Variants in FKBP4 observed in about 807,000 individuals in gnomAD.
FKBP4 encodes peptidyl-prolyl cis-trans isomerase FKBP4.
In FKBP4, 28 loss-of-function variants were observed where a neutral mutation model predicts 54.1. The observed-to-expected ratio is 0.52, with a 90% CI of 0.38 to 0.71. FKBP4 has a LOEUF of 0.71. Among genes scored for constraint, FKBP4 ranks in the 30% least tolerant of loss-of-function variants. FKBP4 has a pLI of 0.00. For missense variants in FKBP4, 493 were observed against 574.4 expected (o/e 0.86, Z 1.45); for synonymous variants, 223 against 216.1 (o/e 1.03, Z -0.28).
chr12:2,802,967 A>G lies in FKBP4; in HGVS notation c.1273-184A>G, dbSNP rs542233416. Among the ~76,000 whole-genome samples the G allele has an allele frequency of 1.3e-3, 194 of 152,336 alleles. 1 individual carries two copies. The highest frequency in any genetic ancestry group is 4.2e-3 in the African/African-American group (175 of 41,574). On this transcript the variant is annotated intron_variant, in intron 9 of 9. Transcript: ENST00000001008. ...GATCTCAAACTTCTGGGCTCAAGCA[A>G]TCTGACCACCTCAGCCTCCCAAAGT...
chr12:2,800,809 TAAAG>T (rs2097904316), intron 8 of FKBP4, among the ~76,000 whole-genome samples: 1 of 152,372 alleles, frequency 6.6e-6, no homozygotes, highest in African/African-American at 2.4e-5. Context: ...AAGAATCACA[TAAAG>T]AGTTTTCTTC....
At position 2,795,950 on chromosome 12, in the gene FKBP4, C is replaced by G. The variant is rs116472971; in HGVS notation, c.105+706C>G. The G allele has an allele frequency of 5.9e-6, 6 of 1,025,558 alleles. No individual in the cohort carries two copies. The South Asian group carries it at 1.0e-4, about 17-fold the overall frequency. 63.5% of individuals were successfully genotyped at this position (1,025,558 alleles called of 1,614,324 possible). On this transcript the variant is annotated intron_variant, in intron 1 of 9. Coordinates refer to ENST00000001008, the MANE Select transcript of FKBP4 (RefSeq NM_002014.4). The surrounding 1 kb of genome is among the most constrained non-coding windows in gnomAD (Gnocchi z 4.3). ...GTCCCCTCCCCCCTCCGCCGCCTCC[C>G]GGAGCCAGGGCTGCGGGGTGTGGGG...
At chr12:2,796,493 A>T (rs1555074506) in intron 1 of FKBP4, 1 of 1,205,348 alleles carries the variant, frequency 8.3e-7, no homozygotes, top group Non-Finnish European at 1.1e-6. Context: ...AGGTGGCGCT[A>T]AAGAAGCCTT....
rs1297069634 is a variant in FKBP4 at position 2,795,183 on chromosome 12, C to T, written c.44C>T (p.Ser15Leu). The change falls in exon 1 of 10, where the codon TCG becomes TTG. Residue 15 changes from serine (S) to leucine (L), a missense_variant. By Grantham distance (145) the Ser-to-Leu change is moderately radical. Coordinates refer to ENST00000001008, the MANE Select transcript of FKBP4 (RefSeq NM_002014.4). The surrounding 1 kb of genome is among the most constrained non-coding windows in gnomAD (Gnocchi z 4.3). Reference sequence around the variant, plus strand: ...AAGGCGACCGAGAGCGGGGCGCAGTCGGCGCCGCTGCCCATGGAGGGAGTG... The same window carrying T: ...AAGGCGACCGAGAGCGGGGCGCAGTTGGCGCCGCTGCCCATGGAGGGAGTG... ...EMKATESGAQ[S>L]APLPMEGVDI... is the part of the protein sequence containing the mutation. The T allele has an allele frequency of 1.5e-6, 2 of 1,320,938 alleles. No individual in the cohort carries two copies. The highest frequency in any genetic ancestry group is 5.6e-5 in the South Asian group (2 of 35,938). The allele number at this position is 1,320,938 out of a possible 1,614,324, so 81.8% of individuals were successfully genotyped here.
rs2097906771 is a variant in FKBP4 at position 2,805,073 on chromosome 12, A to G, written c.*1815A>G. ...TCACTAACTCAAGCATTTATGGAGT[A>G]AGCCTAGCACTGTACTGACAGCATC... On this transcript the variant is annotated 3_prime_UTR_variant, in exon 10 of 10. Transcript: ENST00000001008. 1 of 391,696 alleles carries G rather than the reference A, an allele frequency of 2.6e-6. No individual in the cohort carries two copies. Among genetic ancestry groups the G allele is most frequent in the South Asian group, 1.8e-5 (1 of 54,306 alleles). 24.3% of individuals were successfully genotyped at this position (391,696 alleles called of 1,614,324 possible).
Position 2,798,158 on chromosome 12 carries a change from C to T in FKBP4, c.393+287C>T, listed in dbSNP as rs1026180571. Among the ~76,000 whole-genome samples the T allele has an allele frequency of 2.0e-5, 3 of 152,156 alleles. No individual in the cohort carries two copies. Among genetic ancestry groups the T allele is most frequent in the Non-Finnish European group, 4.4e-5 (3 of 68,036 alleles). On this transcript the variant is annotated intron_variant, in intron 3 of 9. Transcript: ENST00000001008. This position sits in a 1 kb window ranked among gnomAD's most constrained non-coding sequence, Gnocchi z 4.3. ...TACCCAGAAGAATACTGAAAGGAGT[C>T]GGGATGTCAGAAACTATGTCCCGTT...
intron 8 of FKBP4, 26 bp from the exon 9 acceptor site, chr12:2,801,091 T>G (rs773498603): frequency 6.2e-6 from 10 of 1,611,720 alleles, no homozygotes; most frequent in Non-Finnish European, 8.5e-6. Context: ...GCTCCCACAA[T>G]GTGGCTTCCT....
chr12:2,801,498 TC>T (rs1304684427), intron 9 of FKBP4, 142 bp downstream of exon 9: 4 of 1,176,790 alleles, frequency 3.4e-6, no homozygotes, highest in African/African-American at 1.5e-5. Flanking sequence ...GAGCACGTGT[TC>T]CTGCTGTTGG....
In FKBP4 at chr12:2,803,184, A is replaced by C. The variant is rs1042228; in HGVS notation, c.1306A>C (p.Thr436Pro). Reference sequence around the variant, plus strand: ...AGAGGCTTCCTCAGGAGACCATCCCACTGACACAGAGATGAAGGAGGAGCA... The same window carrying C: ...AGAGGCTTCCTCAGGAGACCATCCCCCTGACACAGAGATGAAGGAGGAGCA... ...KAEASSGDHP[T>P]DTEMKEEQKS... The change falls in exon 10 of 10, where the codon ACT becomes CCT. Residue 436 changes from threonine (T) to proline (P), a missense_variant. Coordinates refer to ENST00000001008, the MANE Select transcript of FKBP4 (RefSeq NM_002014.4). The C allele has an allele frequency of 6.2e-7, 1 of 1,606,778 alleles. No homozygotes were observed. Among genetic ancestry groups the C allele is most frequent in the South Asian group, 1.1e-5 (1 of 89,516 alleles).
Position 2,799,128 on chromosome 12 carries a change from G to T in FKBP4, c.555G>T (p.Gln185His), listed in dbSNP as rs751486111. ...EGYYKDKLFDQRELRFEIGEG... is the reference protein window; with the variant it reads ...EGYYKDKLFDHRELRFEIGEG... ...ACTACAAGGACAAGCTCTTTGACCAGCGGGAGCTCCGCTTTGAGATTGGCG... is the reference window on the plus strand; with the variant it reads ...ACTACAAGGACAAGCTCTTTGACCATCGGGAGCTCCGCTTTGAGATTGGCG... Residue 185 changes from glutamine to histidine, a missense_variant, in exon 5 of 10, where the codon CAG (glutamine) becomes CAT (histidine). By Grantham distance (24) the Gln-to-His change is conservative (BLOSUM62 0). Coordinates refer to ENST00000001008, the MANE Select transcript of FKBP4 (RefSeq NM_002014.4). The T allele has an allele frequency of 6.2e-5, 98 of 1,574,978 alleles. No individual in the cohort carries two copies. Among genetic ancestry groups the T allele is most frequent in the Non-Finnish European group, 7.8e-5 (91 of 1,164,082 alleles).
Position 2,803,516 on chromosome 12 carries a change from T to C in FKBP4, c.*258T>C, listed in dbSNP as rs761914358. ...GTCCATCCATATATATTCATCAGAA[T>C]GTTAATTTATTTTGCTCCCTCTGTT... is the stretch of plus-strand genomic sequence containing the variant. On this transcript the variant is annotated 3_prime_UTR_variant, in exon 10 of 10. Coordinates refer to ENST00000001008, the MANE Select transcript of FKBP4 (RefSeq NM_002014.4). The C allele has an allele frequency of 4.8e-6, 2 of 414,086 alleles. No homozygotes were observed. The highest frequency in any genetic ancestry group is 8.9e-6 in the Non-Finnish European group (2 of 224,550). 25.7% of individuals were successfully genotyped at this position (414,086 alleles called of 1,614,324 possible).
Position 2,795,354 on chromosome 12 carries a change from C to A in FKBP4, c.105+110C>A. 2.7e-6 allele frequency: 1 copy of A among 364,054 alleles called. No individual in the cohort carries two copies. The highest frequency in any genetic ancestry group is 4.0e-6 in the Non-Finnish European group (1 of 249,094). The allele number at this position is 364,054 out of a possible 1,614,324, so 22.6% of individuals were successfully genotyped here. On this transcript the variant is annotated intron_variant, in intron 1 of 9. Coordinates refer to ENST00000001008, the MANE Select transcript of FKBP4 (RefSeq NM_002014.4). The surrounding 1 kb of genome is among the most constrained non-coding windows in gnomAD (Gnocchi z 4.3). ...GCACGGGTCGAGGCGGCCGCCTTTG[C>A]AGCCTCGCGGCCGTCCCGCCGGGGG... is the stretch of plus-strand genomic sequence containing the variant.
At chr12:2,797,413 C>CTTT in intron 2 of FKBP4, 131 bp downstream of exon 2, 56 of 812,394 alleles carry the variant, frequency 6.9e-5, no homozygotes, top group Non-Finnish European at 8.6e-5. Context: ...TTCGGTCACT[C>CTTT]TTTTTTTTTT....
At chr12:2,797,641 A>C (rs2097902634) in intron 2 of FKBP4, 88 bp from the exon 3 acceptor site, 3 of 1,457,148 alleles carry the variant, frequency 2.1e-6, no homozygotes, top group Non-Finnish European at 2.8e-6. Flanking sequence ...CTTCCCCATG[A>C]GTGTGGTGCA....
chr12:2,796,884 C>T lies in FKBP4; in HGVS notation c.106-254C>T, dbSNP rs115438010. 7,950 of 1,298,012 alleles carry T rather than the reference C, an allele frequency of 6.1e-3. 386 individuals are homozygous for T. The African/African-American group carries it at 0.11, about 17-fold the overall frequency. The allele number at this position is 1,298,012 out of a possible 1,614,324, so 80.4% of individuals were successfully genotyped here. A position where few individuals can be genotyped will look rare whatever the true frequency, so the allele number is the denominator to read the frequency against. On this transcript the variant is annotated intron_variant, in intron 1 of 9. Coordinates refer to ENST00000001008, the MANE Select transcript of FKBP4 (RefSeq NM_002014.4). The stretch of plus-strand genomic sequence containing the variant: ...AGAATTTTAAAAACTTACCATACAG[C>T]GGAAACTTGAACTCAGATCTCTCAG...
chr12:2,796,167 C>T (rs2097901720), intron 1 of FKBP4: 1 of 1,275,178 alleles, frequency 7.8e-7, no homozygotes, highest in South Asian at 1.3e-5. Context: ...TCCGCTGCTG[C>T]GTCCTCATCC....
At chr12:2,796,022 C>T (rs890119467) in intron 1 of FKBP4, 5 of 1,158,500 alleles carry the variant, frequency 4.3e-6, no homozygotes, top group African/African-American at 3.2e-5. Flanking sequence ...AGTGACCGCT[C>T]GACTACAAAT....
At position 2,798,801 on chromosome 12, in the gene FKBP4, G is replaced by A. The variant is rs2097903252; in HGVS notation, c.489G>A (p.Lys163=). The A allele has an allele frequency of 1.9e-6, 3 of 1,614,048 alleles. No individual in the cohort carries two copies. The Admixed American group carries it at 5.0e-5, about 27-fold the overall frequency. The change falls in exon 4 of 10, where the codon AAG becomes AAA. Residue 163 remains lysine (K), a synonymous_variant. Transcript: ENST00000001008. The surrounding 1 kb of genome is among the most constrained non-coding windows in gnomAD (Gnocchi z 4.3). ...RIQTRGEGYA[K]PNEGAIVEVA... is the part of the protein sequence containing the mutation. ...AGACTCGCGGTGAAGGCTATGCTAAGCCCAATGAGGGTGCTATCGTGGAGG... is the reference window on the plus strand; with the variant it reads ...AGACTCGCGGTGAAGGCTATGCTAAACCCAATGAGGGTGCTATCGTGGAGG...
chr12:2,799,269 T>C (rs2097903513), intron 5 of FKBP4, 25 bp downstream of exon 5: 1 of 1,467,584 alleles, frequency 6.8e-7, no homozygotes, highest in Non-Finnish European at 9.0e-7. Flanking sequence ...CTTCGTAGGG[T>C]AGGCAGGCAG....
Sources: allele counts gnomAD v4.1 joint callset (sites outside exome capture counted in the v4.1 genomes callset), GRCh38; gene constraint gnomAD v4.1.1; non-coding constraint Gnocchi (gnomAD v3.1); transcripts MANE v1.5; gene names NCBI Gene and HGNC (gene_info 2026-07-23, HGNC 2026-07-21).